TXLNB: variants seen among roughly 807,000 people sequenced by gnomAD.
TXLNB encodes beta-taxilin.
A neutral mutation model predicts 57.4 loss-of-function variants in TXLNB; 37 were observed. That is an observed-to-expected ratio of 0.64 (90% CI 0.50 to 0.85). The LOEUF (loss-of-function observed/expected upper bound fraction) is 0.85. Among genes scored for constraint, TXLNB ranks in the 40% least tolerant of loss-of-function variants. TXLNB has a pLI of 0.00. For synonymous variants in TXLNB, 302 were observed against 309.6 expected (o/e 0.98, Z 0.26); for missense variants, 848 against 825.6 (o/e 1.03, Z -0.33).
chr6:139,236,341 C>T (rs141577159), downstream of TXLNB, among the ~76,000 whole-genome samples: 31 of 152,252 alleles, frequency 2.0e-4, no homozygotes, highest in East Asian at 4.8e-3. Context: ...CAGTGCTCTC[C>T]ACGACCTGCC....
At chr6:139,256,094 G>C (rs974445101) in intron 6 of TXLNB, among the ~76,000 whole-genome samples, 1 of 151,848 alleles carries the variant, frequency 6.6e-6, no homozygotes, top group African/African-American at 2.4e-5. Context: ...AAAAAATAAA[G>C]AAAAAGAAAG....
the TXLNB span, among the ~76,000 whole-genome samples, chr6:139,323,529 C>T: frequency 3.3e-5 from 5 of 152,088 alleles, no homozygotes; most frequent in African/African-American, 9.7e-5. Flanking sequence ...GTGATCCGCC[C>T]GCCTCGGCCT....
chr6:139,240,379 G>C lies in TXLNB; in HGVS notation c.*2147C>G, dbSNP rs1213523926. 1 of 152,672 alleles carries C rather than the reference G, an allele frequency of 6.5e-6. No individual in the cohort carries two copies. Among genetic ancestry groups the C allele is most frequent in the African/African-American group, 2.4e-5 (1 of 41,468 alleles). 9.5% of individuals were successfully genotyped at this position (152,672 alleles called of 1,614,324 possible). On this transcript the variant is annotated 3_prime_UTR_variant, in exon 10 of 10. Coordinates refer to ENST00000358430, the MANE Select transcript of TXLNB (RefSeq NM_153235.4). Reference sequence around the variant, plus strand: ...CTCTGTCCAAGATATACATGGCTGTGAGTAATGTGTTTCTGTGAAAGTCTT... The same window carrying C: ...CTCTGTCCAAGATATACATGGCTGTCAGTAATGTGTTTCTGTGAAAGTCTT...
chr6:139,298,797 C>A, the TXLNB span, among the ~76,000 whole-genome samples: 4 of 152,278 alleles, frequency 2.6e-5, no homozygotes, highest in South Asian at 6.2e-4. Context: ...GAGGTGGAGG[C>A]TTTTGGGTCA....
At chr6:139,197,791 T>A in the TXLNB span, 1 of 152,216 alleles carries the variant, frequency 6.6e-6, no homozygotes, top group African/African-American at 2.4e-5. Flanking sequence ...AAGTTCGGTG[T>A]CTGCTGAAGC....
chr6:139,321,443 G>A, the TXLNB span, among the ~76,000 whole-genome samples: 6 of 151,930 alleles, frequency 3.9e-5, no homozygotes, highest in Middle Eastern at 3.2e-3. Flanking sequence ...TGGGTCTCCC[G>A]GCCTCCAGAA....
chr6:139,266,781 A>G (rs1466177072), intron 4 of TXLNB, among the ~76,000 whole-genome samples: 1 of 152,054 alleles, frequency 6.6e-6, no homozygotes, highest in African/African-American at 2.4e-5. Context: ...GGTACATGTG[A>G]AAAAAACCAC....
chr6:139,235,320 CT>C (rs1263822650), downstream of TXLNB, among the ~76,000 whole-genome samples: 39 of 152,150 alleles, frequency 2.6e-4, no homozygotes. Flanking sequence ...AAGTAACTAA[CT>C]TGTTTTTGAT....
the TXLNB span, among the ~76,000 whole-genome samples, chr6:139,315,352 TG>T: frequency 6.6e-6 from 1 of 152,202 alleles, no homozygotes; most frequent in Admixed American, 6.5e-5. Context: ...AATTACTCTT[TG>T]GCCATTGCAA....
chr6:139,166,675 G>A, the TXLNB span: 3 of 1,613,404 alleles, frequency 1.9e-6, no homozygotes, highest in Middle Eastern at 1.7e-4. Flanking sequence ...CGGCGGAGGA[G>A]GCAAAAAAGT....
intron 4 of TXLNB, among the ~76,000 whole-genome samples, chr6:139,266,002 C>T (rs1313173800): frequency 6.6e-6 from 1 of 152,214 alleles, no homozygotes; most frequent in Non-Finnish European, 1.5e-5. Context: ...TTGAGCCACA[C>T]ATGTGCAAAG....
chr6:139,209,868 C>A, the TXLNB span, among the ~76,000 whole-genome samples: 10 of 152,104 alleles, frequency 6.6e-5, no homozygotes, highest in East Asian at 1.7e-3. Flanking sequence ...TAAATGGGAC[C>A]TAATTAAACC....
chr6:139,270,608 C>T lies in TXLNB; in HGVS notation c.535G>A (p.Glu179Lys). The change falls in exon 4 of 10, where the codon GAG becomes AAG. Residue 179 changes from glutamate to lysine, a missense_variant. Glu to Lys is a moderately conservative substitution (Grantham distance 56, BLOSUM62 1). Coordinates refer to ENST00000358430, the MANE Select transcript of TXLNB (RefSeq NM_153235.4). ...YAELLDEHRT[E>K]QKKLKLLQKK... is the part of the protein sequence containing the mutation. ...TGGAGGAGCTTTAACTTCTTTTGCT[C>T]AGTACGATGTTCATCCAGCTGTACA... 2.5e-6 allele frequency: 4 copies of T among 1,614,004 alleles called. No homozygotes were observed. Among genetic ancestry groups the T allele is most frequent in the Non-Finnish European group, 3.4e-6 (4 of 1,179,982 alleles).
At chr6:139,297,244 A>G in the TXLNB span, among the ~76,000 whole-genome samples, 1 of 152,026 alleles carries the variant, frequency 6.6e-6, no homozygotes, top group Admixed American at 6.5e-5. Flanking sequence ...TTACTGGTGA[A>G]TTTTATAGAA....
the TXLNB span, chr6:139,166,297 C>A: frequency 6.2e-7 from 1 of 1,601,092 alleles, no homozygotes; most frequent in Non-Finnish European, 8.5e-7. Context: ...CCCCATGTGC[C>A]ACTCCCCTGA....
At position 139,263,729 on chromosome 6, in the gene TXLNB, G is replaced by A. The variant is rs2114526061; in HGVS notation, c.688-956C>T. Among the ~76,000 whole-genome samples the A allele has an allele frequency of 3.3e-5, 5 of 152,236 alleles. No individual in the cohort carries two copies. In the South Asian group the frequency reaches 1.0e-3, roughly 32 times the overall value. ...TTTAATTTTGCTACATCCTACCAAAGATAGAGACATTTACGTGGCTGACAA... is the reference window on the plus strand; with the variant it reads ...TTTAATTTTGCTACATCCTACCAAAAATAGAGACATTTACGTGGCTGACAA... On this transcript the variant is annotated intron_variant, in intron 4 of 9. Coordinates refer to ENST00000358430, the MANE Select transcript of TXLNB (RefSeq NM_153235.4).
chr6:139,225,425 C>A, the TXLNB span, among the ~76,000 whole-genome samples: 1 of 151,976 alleles, frequency 6.6e-6, no homozygotes, highest in Non-Finnish European at 1.5e-5. Context: ...TTTAGAATAT[C>A]CAAAAACATC....
chr6:139,233,581 C>G, the TXLNB span, among the ~76,000 whole-genome samples: 1 of 151,762 alleles, frequency 6.6e-6, no homozygotes, highest in Non-Finnish European at 1.5e-5. Context: ...TCTGGTGTTT[C>G]CTTTGGTTGC....
chr6:139,309,433 A>G, the TXLNB span, among the ~76,000 whole-genome samples: 2 of 152,212 alleles, frequency 1.3e-5, no homozygotes, highest in African/African-American at 4.8e-5. Context: ...TTGTAGATGC[A>G]TATTAAGTGT....
Sources: gnomAD v4.1 joint callset for allele counts (sites outside exome capture counted in the v4.1 genomes callset) on GRCh38, gnomAD v4.1.1 for gene constraint, MANE v1.5 for transcripts, NCBI Gene and HGNC (gene_info 2026-07-23, HGNC 2026-07-21) for gene names.